STX8: variants seen among roughly 807,000 people sequenced by gnomAD.
STX8 encodes syntaxin 8, also known as syntaxin-8.
In STX8, 23 loss-of-function variants were observed where a neutral mutation model predicts 37.5. That is an observed-to-expected ratio of 0.61 (90% CI 0.44 to 0.87). The LOEUF (loss-of-function observed/expected upper bound fraction) is 0.87, where lower values mean the gene tolerates loss of function less well. Ranked by LOEUF, STX8 falls within the 40% of genes least tolerant of loss-of-function variation. The pLI is 0.00. For synonymous variants in STX8, 115 were observed against 99.1 expected (o/e 1.16, Z -0.95); for missense variants, 313 against 284.7 (o/e 1.10, Z -0.71).
intron 7 of STX8, among the ~76,000 whole-genome samples, chr17:9,347,126 T>G (rs1910560966): frequency 6.7e-6 from 1 of 149,280 alleles, no homozygotes; most frequent in Non-Finnish European, 1.5e-5. Flanking sequence ...AGAAACTCCA[T>G]CTCAAAAAAA....
chr17:9,556,756 T>C (rs1597741332), intron 3 of STX8: 1 of 4,672 alleles, frequency 2.1e-4, no homozygotes, highest in Admixed American at 3.8e-3. Context: ...CTAAAATATA[T>C]ATATATATAT....
At chr17:9,489,486 C>T (rs1906755038) in intron 6 of STX8, among the ~76,000 whole-genome samples, 1 of 152,088 alleles carries the variant, frequency 6.6e-6, no homozygotes. Context: ...TAAATCATCC[C>T]ACCAAATTAT....
chr17:9,433,289 C>G (rs527291782), intron 6 of STX8, among the ~76,000 whole-genome samples: 1 of 152,196 alleles, frequency 6.6e-6, no homozygotes, highest in African/African-American at 2.4e-5. Context: ...AACCAAATAA[C>G]CCAAGTCTTT....
chr17:9,526,899 G>A (rs1438067987), intron 4 of STX8, among the ~76,000 whole-genome samples: 2 of 151,502 alleles, frequency 1.3e-5, no homozygotes, highest in African/African-American at 4.9e-5. Context: ...AACGTAATGA[G>A]GCCAAGCATA....
chr17:9,307,873 C>T (rs1448584658), intron 7 of STX8, among the ~76,000 whole-genome samples: 1 of 152,050 alleles, frequency 6.6e-6, no homozygotes, highest in African/African-American at 2.4e-5. Context: ...CTCTTCTCCC[C>T]CAAAAGCAAG....
At chr17:9,482,093 T>C (rs1906373523) in intron 6 of STX8, among the ~76,000 whole-genome samples, 2 of 152,016 alleles carry the variant, frequency 1.3e-5, no homozygotes. Context: ...GATGGCTTCA[T>C]CCCAGGAGCT....
At chr17:9,369,279 G>A (rs1438178013) in intron 7 of STX8, among the ~76,000 whole-genome samples, 2 of 152,148 alleles carry the variant, frequency 1.3e-5, no homozygotes, top group East Asian at 1.9e-4. Context: ...ATGACACAGC[G>A]GGTACAGAGA....
intron 7 of STX8, among the ~76,000 whole-genome samples, chr17:9,278,013 TCA>T (rs1907734933): frequency 6.6e-6 from 1 of 152,134 alleles, no homozygotes; most frequent in African/African-American, 2.4e-5. Flanking sequence ...GTCATTTATG[TCA>T]CAGTGTGGAG....
At chr17:9,251,404 C>T (rs924065859) in intron 7 of STX8, among the ~76,000 whole-genome samples, 7 of 152,222 alleles carry the variant, frequency 4.6e-5, no homozygotes, top group Admixed American at 2.0e-4. Context: ...CAGTATTTAA[C>T]GAGTGTTTAC....
chr17:9,421,600 C>T (rs1275925747), intron 6 of STX8, among the ~76,000 whole-genome samples: 2 of 151,204 alleles, frequency 1.3e-5, no homozygotes, highest in African/African-American at 4.9e-5. Flanking sequence ...AGGTGAAATT[C>T]AGATAACATA....
chr17:9,566,450 T>C (rs566719059), intron 2 of STX8, among the ~76,000 whole-genome samples: 91 of 152,242 alleles, frequency 6.0e-4, no homozygotes, highest in African/African-American at 9.6e-4. Context: ...AATCCCGTTA[T>C]TGGGTATATC....
At chr17:9,555,979 T>C (rs1382757571) in intron 3 of STX8, among the ~76,000 whole-genome samples, 1 of 152,180 alleles carries the variant, frequency 6.6e-6, no homozygotes, top group Admixed American at 6.5e-5. Context: ...AAAAACCCTT[T>C]ATATGATAGA....
At chr17:9,318,769 G>A (rs1261391478) in intron 7 of STX8, among the ~76,000 whole-genome samples, 1 of 152,072 alleles carries the variant, frequency 6.6e-6, no homozygotes, top group Non-Finnish European at 1.5e-5. Flanking sequence ...AATTCATAAG[G>A]CATACCACTC....
intron 7 of STX8, among the ~76,000 whole-genome samples, chr17:9,349,382 G>A (rs371934170): frequency 2.1e-5 from 3 of 139,776 alleles, no homozygotes; most frequent in East Asian, 2.1e-4. Flanking sequence ...GTGCAGTGGC[G>A]CAATCTCGCC....
At chr17:9,364,651 C>A (rs1911168824) in intron 7 of STX8, among the ~76,000 whole-genome samples, 1 of 152,052 alleles carries the variant, frequency 6.6e-6, no homozygotes, top group Non-Finnish European at 1.5e-5. Context: ...CTGCCTCAGC[C>A]TCCTGAGTAG....
intron 7 of STX8, among the ~76,000 whole-genome samples, chr17:9,302,118 G>A (rs958127141): frequency 5.9e-5 from 9 of 152,102 alleles, no homozygotes; most frequent in Non-Finnish European, 1.2e-4. Flanking sequence ...CTCAGTTACT[G>A]TTCCATTTAT....
chr17:9,339,665 A>G (rs1910271149), intron 7 of STX8, among the ~76,000 whole-genome samples: 1 of 152,158 alleles, frequency 6.6e-6, no homozygotes, highest in Admixed American at 6.5e-5. Context: ...CCATCTAAAA[A>G]AAAAAGGACT....
chr17:9,360,331 T>A lies in STX8; in HGVS notation c.643+18221A>T, dbSNP rs1050191184. Among the ~76,000 whole-genome samples the A allele has an allele frequency of 3.0e-3, 428 of 144,944 alleles. 4 individuals are homozygous for A. The highest frequency in any genetic ancestry group is 0.011 in the African/African-American group (412 of 38,664). On this transcript the variant is annotated intron_variant, in intron 7 of 7. Transcript: ENST00000306357. ...CTCACTGCAACCTCTGCCTCCCGGG[T>A]TCAAGCGATTCTCCTGCCTCAGCCT...
chr17:9,299,806 C>T (rs572957204), intron 7 of STX8, among the ~76,000 whole-genome samples: 28 of 152,206 alleles, frequency 1.8e-4, no homozygotes, highest in Middle Eastern at 6.8e-3. Flanking sequence ...GTAGAGTTAC[C>T]GCTGTGTCTA....
Sources: gnomAD v4.1 joint callset for allele counts (sites outside exome capture counted in the v4.1 genomes callset) on GRCh38, gnomAD v4.1.1 for gene constraint, MANE v1.5 for transcripts, NCBI Gene and HGNC (gene_info 2026-07-23, HGNC 2026-07-21) for gene names.